FAM13A: variants seen among roughly 807,000 people sequenced by gnomAD.
FAM13A encodes the protein family with sequence similarity 13 member A.
FAM13A carries 76 observed loss-of-function variants against 129.6 expected under a neutral mutation model. The ratio of observed to expected loss-of-function variants is 0.59; its 90% CI spans 0.49 to 0.71. The LOEUF (loss-of-function observed/expected upper bound fraction) is 0.71, where lower values mean the gene tolerates loss of function less well. Ranked by LOEUF, FAM13A falls within the 30% of genes least tolerant of loss-of-function variation. FAM13A has a pLI of 0.00. For missense variants in FAM13A, 1,108 were observed against 1,249.3 expected, an observed-to-expected ratio of 0.89 and a Z score of 1.70; for synonymous variants, 443 against 449.9, an observed-to-expected ratio of 0.98 and a Z score of 0.20.
intron 1 of FAM13A, among the ~76,000 whole-genome samples, chr4:89,035,844 G>A (rs1271545251): frequency 6.6e-6 from 1 of 152,116 alleles, no homozygotes; most frequent in African/African-American, 2.4e-5. Flanking sequence ...CCCAAGCCTT[G>A]TATCCTGTAC....
At position 88,945,986 on chromosome 4, in the gene FAM13A, G is replaced by GTATA. The variant is rs1309475381; in HGVS notation, c.606-7746_606-7745insTATA. Reference sequence around the variant, plus strand: ...TATCTGTGTGTGTGTGTGTGTGTGTGTGTGTATATATATATATATATATAT... The same window carrying GTATA: ...TATCTGTGTGTGTGTGTGTGTGTGTGTATATGTGTATATATATATATATATATAT... On this transcript the variant is annotated intron_variant, in intron 4 of 23. Coordinates refer to ENST00000264344, the MANE Select transcript of FAM13A (RefSeq NM_014883.4). Among the ~76,000 whole-genome samples the GTATA allele has an allele frequency of 1.1e-3, 24 of 21,832 alleles. 1 individual carries two copies. Among genetic ancestry groups the GTATA allele is most frequent in the African/African-American group, 6.4e-3 (23 of 3,574 alleles). 14.3% of individuals were successfully genotyped at this position (21,832 alleles called of 152,430 possible).
intron 8 of FAM13A, among the ~76,000 whole-genome samples, chr4:88,804,442 T>C (rs148249161): frequency 9.4e-4 from 143 of 152,304 alleles, no homozygotes; most frequent in African/African-American, 3.1e-3. Context: ...GTATCTCAGA[T>C]GACTCACTGG....
intron 7 of FAM13A, among the ~76,000 whole-genome samples, chr4:88,849,347 T>C (rs7692852): frequency 8.9e-4 from 135 of 152,328 alleles, no homozygotes; most frequent in African/African-American, 3.1e-3. Context: ...CTTTTCCTAA[T>C]ATACTAACTC....
intron 4 of FAM13A, among the ~76,000 whole-genome samples, chr4:88,943,647 T>C (rs974200674): frequency 3.3e-5 from 5 of 152,172 alleles, no homozygotes; most frequent in South Asian, 2.1e-4. Flanking sequence ...ACAGAAAAGA[T>C]GGGAGGAACT....
intron 19 of FAM13A, among the ~76,000 whole-genome samples, chr4:88,744,909 C>T (rs936857260): frequency 7.2e-5 from 11 of 152,032 alleles, no homozygotes; most frequent in Non-Finnish European, 2.9e-5. Flanking sequence ...GAATCCGGAC[C>T]CACCTGAAAG....
At chr4:88,908,499 C>A (rs1297408344) in intron 5 of FAM13A, among the ~76,000 whole-genome samples, 1 of 152,076 alleles carries the variant, frequency 6.6e-6, no homozygotes, top group Non-Finnish European at 1.5e-5. Flanking sequence ...ATTCTTTCTT[C>A]CTTATGCAAA....
chr4:88,855,076 G>A (rs1461735448), intron 6 of FAM13A, among the ~76,000 whole-genome samples: 1 of 152,140 alleles, frequency 6.6e-6, no homozygotes, highest in African/African-American at 2.4e-5. Flanking sequence ...AAGTGGCAGA[G>A]TTACCATCAG....
intron 7 of FAM13A, among the ~76,000 whole-genome samples, chr4:88,825,216 A>AT (rs34736493): frequency 0.7 from 102,079 of 145,968 alleles, 36,392 homozygotes; most frequent in East Asian, 0.94. Context: ...TTCTGTGTGA[A>AT]TTTTTTTTTT....
intron 1 of FAM13A, among the ~76,000 whole-genome samples, chr4:89,053,906 G>GA: frequency 6.6e-6 from 1 of 152,134 alleles, no homozygotes; most frequent in East Asian, 1.9e-4. Flanking sequence ...AGGAGAAGCA[G>GA]AAAATCTGAC....
At chr4:88,902,821 C>A (rs1747505579) in intron 6 of FAM13A, among the ~76,000 whole-genome samples, 1 of 152,132 alleles carries the variant, frequency 6.6e-6, no homozygotes, top group Admixed American at 6.6e-5. Flanking sequence ...GTCAAACTAT[C>A]CCTGTTTTCA....
intron 3 of FAM13A, among the ~76,000 whole-genome samples, chr4:89,008,209 A>C (rs1422558277): frequency 6.6e-6 from 1 of 152,182 alleles, no homozygotes; most frequent in Non-Finnish European, 1.5e-5. Flanking sequence ...TTATGGACTA[A>C]ATTTTGTCCA....
In FAM13A at chr4:88,737,482, T is replaced by C; in HGVS notation, c.2636A>G (p.Lys879Arg). 6.2e-7 allele frequency: 1 copy of C among 1,613,950 alleles called. No individual in the cohort carries two copies. Among genetic ancestry groups the C allele is most frequent in the Non-Finnish European group, 8.5e-7 (1 of 1,179,826 alleles). ...IIEGETASFF[K>R]EIKEEEEGSE... ...AGCTGGGGTCTTCACCTTTATCTCC[T>C]TGAAGAAGGAAGCAGTTTCGCCCTC... Residue 879 changes from lysine (K) to arginine (R), a missense_variant, in exon 21 of 24, where the codon AAG (lysine) becomes AGG (arginine). Around this residue, in one of 3 missense-constraint regions of FAM13A, gnomAD observed 529 missense variants for 621.2 expected, o/e 0.85. Coordinates refer to ENST00000264344, the MANE Select transcript of FAM13A (RefSeq NM_014883.4).
Position 88,747,713 on chromosome 4 carries a change from G to C in FAM13A, c.2300C>G (p.Pro767Arg). Residue 767 changes from proline (P) to arginine (R), a missense_variant, in exon 18 of 24, where the codon CCC becomes CGC. By Grantham distance (103) the Pro-to-Arg change is moderately radical (BLOSUM62 -2). Transcript: ENST00000264344. ...KQELVDKAIK[P>R]SVEATLESIQ... is the part of the protein sequence containing the mutation. ...AGATTCCAATGTGGCTTCAACACTG[G>C]GCTTTATTGCTTTATCCACCAGCTC... 6.2e-7 allele frequency: 1 copy of C among 1,614,054 alleles called. No individual in the cohort carries two copies.
At chr4:88,924,470 A>G (rs1333046614) in intron 5 of FAM13A, among the ~76,000 whole-genome samples, 1 of 152,232 alleles carries the variant, frequency 6.6e-6, no homozygotes, top group Non-Finnish European at 1.5e-5. Context: ...TCCCTATTTA[A>G]TAAATGGTGC....
rs547583657 is a variant in FAM13A at position 89,008,067 on chromosome 4, G to A, written c.427+12393C>T. On this transcript the variant is annotated intron_variant, in intron 3 of 23. Transcript: ENST00000264344. ...AATTCACTAGACATTAAGGATTTCC[G>A]AGATCTGTCGGAGATCAATGCTATA... Among the ~76,000 whole-genome samples, 407 of 44,642 alleles carry A rather than the reference G, an allele frequency of 9.1e-3. 6 individuals are homozygous for A. Among genetic ancestry groups the A allele is most frequent in the Non-Finnish European group, 9.9e-3 (214 of 21,636 alleles). 29.3% of individuals were successfully genotyped at this position (44,642 alleles called of 152,430 possible). A position where few individuals can be genotyped will look rare whatever the true frequency, so the allele number is the denominator to read the frequency against.
chr4:88,849,806 T>A (rs950310951), intron 7 of FAM13A, among the ~76,000 whole-genome samples: 1 of 152,166 alleles, frequency 6.6e-6, no homozygotes, highest in Non-Finnish European at 1.5e-5. Flanking sequence ...AATGAAAGAA[T>A]GAAAAAATAC....
At chr4:88,844,942 G>A (rs764525774) in intron 7 of FAM13A, among the ~76,000 whole-genome samples, 6 of 152,148 alleles carry the variant, frequency 3.9e-5, no homozygotes, top group Non-Finnish European at 5.9e-5. Flanking sequence ...CTGCTAGTTA[G>A]AGTGACATGA....
intron 7 of FAM13A, among the ~76,000 whole-genome samples, chr4:88,819,397 G>A (rs1731445102): frequency 6.6e-6 from 1 of 152,164 alleles, no homozygotes; most frequent in African/African-American, 2.4e-5. Flanking sequence ...AGTTAGTCTA[G>A]CAAATTAAAA....
At chr4:89,055,619 T>G (rs1772119815) in intron 1 of FAM13A, among the ~76,000 whole-genome samples, 1 of 152,150 alleles carries the variant, frequency 6.6e-6, no homozygotes, top group South Asian at 2.1e-4. Context: ...TCTACACATT[T>G]TCAGTTCTGT....
Sources: allele counts gnomAD v4.1 joint callset (sites outside exome capture counted in the v4.1 genomes callset), GRCh38; gene constraint gnomAD v4.1.1; regional missense constraint gnomAD v4.1.1; transcripts MANE v1.5; gene names NCBI Gene and HGNC (gene_info 2026-07-23, HGNC 2026-07-21).